Variants in PBX1 observed in about 807,000 individuals in gnomAD.
The protein encoded by PBX1 is pre-B-cell leukemia transcription factor 1.
In PBX1, 6 loss-of-function variants were observed where a neutral mutation model predicts 53.4. That is an observed-to-expected ratio of 0.11 (90% CI 0.06 to 0.22). The LOEUF is 0.22. PBX1 is among the 10% of genes least tolerant of loss of function. The pLI is 1.00. For synonymous variants in PBX1, 204 were observed against 212.3 expected, an observed-to-expected ratio of 0.96 and a Z score of 0.34; for missense variants, 251 against 551.4, an observed-to-expected ratio of 0.46 and a Z score of 5.46.
chr1:164,797,366 G>A (rs868008872), intron 3 of PBX1, among the ~76,000 whole-genome samples: 2 of 152,142 alleles, frequency 1.3e-5, no homozygotes, highest in African/African-American at 4.8e-5. Context: ...TAGAAAGGTG[G>A]CTAGGATGCT....
At chr1:164,867,223 C>A (rs1250142544) in intron 2 of PBX1, among the ~76,000 whole-genome samples, 1 of 152,232 alleles carries the variant, frequency 6.6e-6, no homozygotes. Flanking sequence ...ATCAGTAGAG[C>A]GGGAATCTCT....
chr1:164,799,617 C>A (rs1486899481), intron 3 of PBX1, 82 bp from the exon 4 acceptor site: 1 of 1,245,052 alleles, frequency 8.0e-7, no homozygotes, highest in Non-Finnish European at 1.1e-6. Flanking sequence ...TCTAGAAAAG[C>A]CCACGTGGCC....
intron 2 of PBX1, among the ~76,000 whole-genome samples, chr1:164,871,256 G>A (rs1672375936): frequency 6.6e-6 from 1 of 152,200 alleles, no homozygotes; most frequent in Non-Finnish European, 1.5e-5. Context: ...TGCTGCAGGG[G>A]CTCAGAGAAT....
intron 6 of PBX1, chr1:164,815,514 A>G (rs907086028): frequency 1.3e-5 from 2 of 152,248 alleles, no homozygotes; most frequent in African/African-American, 4.8e-5. Flanking sequence ...TCACGCTGCT[A>G]TGAGGAAATG....
At chr1:164,611,630 G>GAA (rs35043670) in intron 2 of PBX1, among the ~76,000 whole-genome samples, 438 of 149,068 alleles carry the variant, frequency 2.9e-3, no homozygotes, top group Non-Finnish European at 4.6e-3. Context: ...CCTTGGTTAG[G>GAA]AAAAAAAAAA....
chr1:164,870,277 CTTTCTT>C (rs1672334267), intron 2 of PBX1, among the ~76,000 whole-genome samples: 5 of 19,384 alleles, frequency 2.6e-4, no homozygotes, highest in African/African-American at 7.7e-4. Context: ...TTCTTTCTTT[CTTTCTT>C]TCTTTCTTTC....
chr1:164,760,509 T>C (rs960274970), intron 2 of PBX1, among the ~76,000 whole-genome samples: 3 of 151,828 alleles, frequency 2.0e-5, no homozygotes, highest in African/African-American at 4.8e-5. Flanking sequence ...TATTTTGTTA[T>C]ATATTCACTC....
chr1:164,784,175 T>C (rs545876356), intron 2 of PBX1, among the ~76,000 whole-genome samples: 19 of 152,296 alleles, frequency 1.2e-4, no homozygotes, highest in African/African-American at 4.6e-4. Flanking sequence ...CCCCCTTTCC[T>C]CATACCTCTG....
intron 2 of PBX1, among the ~76,000 whole-genome samples, chr1:164,697,727 T>C (rs1472592458): frequency 6.6e-6 from 1 of 152,214 alleles, no homozygotes; most frequent in African/African-American, 2.4e-5. Flanking sequence ...CACAGAGTAC[T>C]ACGAATAGCA....
At chr1:164,740,102 G>A in intron 2 of PBX1, among the ~76,000 whole-genome samples, 1 of 152,154 alleles carries the variant, frequency 6.6e-6, no homozygotes, top group Non-Finnish European at 1.5e-5. Flanking sequence ...TGTAGGAAGA[G>A]GAAATAAAAG....
intron 2 of PBX1, among the ~76,000 whole-genome samples, chr1:164,694,011 G>T (rs577114052): frequency 6.6e-6 from 1 of 152,024 alleles, no homozygotes; most frequent in Admixed American, 6.6e-5. Context: ...AAACCTTTAG[G>T]ATTATCTCAG....
At chr1:164,870,221 C>CCTTCCTTCCTTCCTTT (rs1672321172) in intron 2 of PBX1, among the ~76,000 whole-genome samples, 3 of 27,488 alleles carry the variant, frequency 1.1e-4, no homozygotes, top group Admixed American at 3.6e-4. Context: ...TTCTTTCTTT[C>CCTTCCTTCCTTCCTTT]CTTCCTTCCT....
intron 2 of PBX1, among the ~76,000 whole-genome samples, chr1:164,779,544 G>GT (rs1667832884): frequency 6.6e-6 from 1 of 152,174 alleles, no homozygotes; most frequent in Non-Finnish European, 1.5e-5. Flanking sequence ...TAGAAAGCAG[G>GT]CAGCACCGAA....
chr1:164,670,597 G>T (rs1661060130), intron 2 of PBX1, among the ~76,000 whole-genome samples: 1 of 152,154 alleles, frequency 6.6e-6, no homozygotes, highest in Non-Finnish European at 1.5e-5. Context: ...AGGTAGATGG[G>T]GAGCAGGCAA....
chr1:164,705,156 C>A (rs1269773610), intron 2 of PBX1, among the ~76,000 whole-genome samples: 2 of 152,182 alleles, frequency 1.3e-5, no homozygotes, highest in Non-Finnish European at 2.9e-5. Context: ...CCCATAGATG[C>A]CAGCAGCATC....
chr1:164,607,099 G>A (rs1258149202), intron 2 of PBX1, among the ~76,000 whole-genome samples: 1 of 151,818 alleles, frequency 6.6e-6, no homozygotes. Flanking sequence ...ACAGGAGTAA[G>A]TAGATTGGGG....
intron 2 of PBX1, among the ~76,000 whole-genome samples, chr1:164,704,558 C>T (rs941945812): frequency 6.6e-6 from 1 of 152,148 alleles, no homozygotes; most frequent in Non-Finnish European, 1.5e-5. Context: ...AGAGTACGCA[C>T]ATTTTATACC....
At chr1:164,769,377 C>CAAGAGAAGACTTAGGTCCAG (rs1398897204) in intron 2 of PBX1, 1 of 152,156 alleles carries the variant, frequency 6.6e-6, no homozygotes, top group African/African-American at 2.4e-5. Flanking sequence ...AAGTGTGACA[C>CAAGAGAAGACTTAGGTCCAG]AAGAGAAGAC....
Position 164,562,645 on chromosome 1 carries a change from C to T in PBX1, c.192-593C>T, listed in dbSNP as rs954153. Among the ~76,000 whole-genome samples, 1,161 of 152,292 alleles carry T rather than the reference C, an allele frequency of 7.6e-3. 17 individuals are homozygous for T. Among genetic ancestry groups the T allele is most frequent in the African/African-American group, 0.027 (1,119 of 41,558 alleles). ...GTGAACACAGAGAAATGAATTTATTCCCCATATGGGTATGTTTGCCCCCTG... is the reference window on the plus strand; with the variant it reads ...GTGAACACAGAGAAATGAATTTATTTCCCATATGGGTATGTTTGCCCCCTG... On this transcript the variant is annotated intron_variant, in intron 1 of 8. Coordinates refer to ENST00000420696, the MANE Select transcript of PBX1 (RefSeq NM_002585.4).
Sources: allele counts gnomAD v4.1 joint callset (sites outside exome capture counted in the v4.1 genomes callset), GRCh38; gene constraint gnomAD v4.1.1; transcripts MANE v1.5; gene names NCBI Gene and HGNC (gene_info 2026-07-23, HGNC 2026-07-21).